CARS1: variants seen among roughly 807,000 people sequenced by gnomAD.
CARS1 encodes cysteinyl-tRNA synthetase 1, also known as cysteine--tRNA ligase, cytoplasmic.
A neutral mutation model predicts 106.2 loss-of-function variants in CARS1; 48 were observed. That is an observed-to-expected ratio of 0.45 (90% confidence interval 0.36 to 0.57). CARS1 has a LOEUF of 0.57. CARS1 is among the 20% of genes least tolerant of loss of function. The pLI is 0.00. For missense variants in CARS1, 968 were observed against 1,057.2 expected, an observed-to-expected ratio of 0.92 and a Z score of 1.17; for synonymous variants, 409 against 403.4, an observed-to-expected ratio of 1.01 and a Z score of -0.17.
In CARS1 at chr11:3,010,271, G is replaced by A. The variant is rs182276423; in HGVS notation, c.2068+1924C>T. 1.7e-4 allele frequency among the ~76,000 whole-genome samples: 26 copies of A among 152,324 alleles called. 1 individual carries two copies. In the Middle Eastern group the frequency reaches 0.01, roughly 60 times the overall value. ...GGCATGCCAGGGAAGCCAAGGCCAC[G>A]TGCACAGTCTTGTATGACCCCAGGG... On this transcript the variant is annotated intron_variant, in intron 18 of 22. Transcript: ENST00000380525.
chr11:3,017,689 A>G lies in CARS1; in HGVS notation c.1727+168T>C. On this transcript the variant is annotated intron_variant, in intron 15 of 22. Transcript: ENST00000380525. The surrounding 1 kb of genome is among the most constrained non-coding windows in gnomAD (Gnocchi z 4.9). ...AAATTCTCCATGCACTTCAACACCCAGAGCAGCTCCCATTAGCAGAGCCGC... is the reference window on the plus strand; with the variant it reads ...AAATTCTCCATGCACTTCAACACCCGGAGCAGCTCCCATTAGCAGAGCCGC... The G allele has an allele frequency of 1.7e-6, 1 of 600,600 alleles. No individual in the cohort carries two copies. Among genetic ancestry groups the G allele is most frequent in the Non-Finnish European group, 3.0e-6 (1 of 337,104 alleles). 37.2% of individuals were successfully genotyped at this position (600,600 alleles called of 1,614,324 possible). A position where few individuals can be genotyped will look rare whatever the true frequency, so the allele number is the denominator to read the frequency against.
intron 1 of CARS1, among the ~76,000 whole-genome samples, chr11:3,051,281 T>C (rs1026286536): frequency 6.6e-6 from 1 of 152,218 alleles, no homozygotes; most frequent in Non-Finnish European, 1.5e-5. Context: ...GGGTGGACTC[T>C]GGCCCCACTG....
Position 3,021,676 on chromosome 11 carries a change from T to G in CARS1, c.1154-1344A>C, listed in dbSNP as rs139786535. Among the ~76,000 whole-genome samples the G allele has an allele frequency of 6.6e-6, 1 of 152,246 alleles. No homozygotes were observed. Among genetic ancestry groups the G allele is most frequent in the Non-Finnish European group, 1.5e-5 (1 of 68,040 alleles). On this transcript the variant is annotated intron_variant, in intron 10 of 22. Coordinates refer to ENST00000380525, the MANE Select transcript of CARS1 (RefSeq NM_001014437.3). The surrounding 1 kb of genome is among the most constrained non-coding windows in gnomAD (Gnocchi z 5.3). Reference sequence around the variant, plus strand: ...TATCTTTTAACCTAGGAATTACTACTGTTACCATTTTGGTATACTGATTCC... The same window carrying G: ...TATCTTTTAACCTAGGAATTACTACGGTTACCATTTTGGTATACTGATTCC...
Position 3,001,177 on chromosome 11 carries a change from G to A in CARS1, c.2433C>T (p.Phe811=), listed in dbSNP as rs890714588. 5 of 1,613,930 alleles carry A rather than the reference G, an allele frequency of 3.1e-6. No homozygotes were observed. The highest frequency in any genetic ancestry group is 3.3e-5 in the Admixed American group (2 of 60,004). ...KGQAKKLKKL[F]EAQEKLYKEY... is the part of the protein sequence containing the mutation. Reference sequence around the variant, plus strand: ...CCTTGTAGAGCTTCTCCTGAGCCTCGAAGAGCTTCTTCAGCTTCTTGGCTT... The same window carrying A: ...CCTTGTAGAGCTTCTCCTGAGCCTCAAAGAGCTTCTTCAGCTTCTTGGCTT... The change falls in exon 23 of 23, where the codon TTC becomes TTT. Residue 811 remains phenylalanine (F), a synonymous_variant. Coordinates refer to ENST00000380525, the MANE Select transcript of CARS1 (RefSeq NM_001014437.3).
At chr11:3,056,422 A>C (rs988641259) in intron 1 of CARS1, among the ~76,000 whole-genome samples, 4 of 152,162 alleles carry the variant, frequency 2.6e-5, no homozygotes, top group Non-Finnish European at 5.9e-5. Flanking sequence ...ATCTTGCTGG[A>C]GGGACAGTGA....
rs1197148365 is a variant in CARS1 at position 3,015,763 on chromosome 11, A to G, written c.1986+18T>C. On this transcript the variant is annotated intron_variant, in intron 17 of 22. Transcript: ENST00000380525. Reference sequence around the variant, plus strand: ...GGAGGGAGCAGGTGCAGAAGGCAGGACCCTGCATGCTACTCACACTGAGGC... The same window carrying G: ...GGAGGGAGCAGGTGCAGAAGGCAGGGCCCTGCATGCTACTCACACTGAGGC... The G allele has an allele frequency of 1.9e-6, 3 of 1,611,854 alleles. No individual in the cohort carries two copies. The South Asian group carries it at 3.3e-5, about 18-fold the overall frequency.
At position 3,021,026 on chromosome 11, in the gene CARS1, T is replaced by C. The variant is rs1851524185; in HGVS notation, c.1154-694A>G. ...CCTGGCCAACAAAAACAAGACTGTC[T>C]ATGCCTTGCCAGAGGGATGAGAAAT... On this transcript the variant is annotated intron_variant, in intron 10 of 22. Coordinates refer to ENST00000380525, the MANE Select transcript of CARS1 (RefSeq NM_001014437.3). This position sits in a 1 kb window ranked among gnomAD's most constrained non-coding sequence, Gnocchi z 5.3. 6.6e-6 allele frequency among the ~76,000 whole-genome samples: 1 copy of C among 152,178 alleles called. No individual in the cohort carries two copies. The highest frequency in any genetic ancestry group is 2.1e-4 in the South Asian group (1 of 4,830).
intron 10 of CARS1, among the ~76,000 whole-genome samples, chr11:3,024,298 GCTGCTGTT>G (rs1472431355): frequency 6.6e-6 from 1 of 152,130 alleles, no homozygotes; most frequent in Admixed American, 6.5e-5. Flanking sequence ...TGGCACCTTT[GCTGCTGTT>G]CTGCTTAAAC....
In CARS1 at chr11:3,017,986, T is replaced by C; in HGVS notation, c.1630-32A>G. 1 of 1,439,830 alleles carries C rather than the reference T, an allele frequency of 6.9e-7. No individual in the cohort carries two copies. Among genetic ancestry groups the C allele is most frequent in the Non-Finnish European group, 9.7e-7 (1 of 1,025,814 alleles). The allele number at this position is 1,439,830 out of a possible 1,614,324, so 89.2% of individuals were successfully genotyped here. A position where few individuals can be genotyped will look rare whatever the true frequency, so the allele number is the denominator to read the frequency against. On this transcript the variant is annotated intron_variant, in intron 14 of 22. Coordinates refer to ENST00000380525, the MANE Select transcript of CARS1 (RefSeq NM_001014437.3). The surrounding 1 kb of genome is among the most constrained non-coding windows in gnomAD (Gnocchi z 4.9). ...TTAGAAAAATCAGTTTAACAGCATTTAGGCAACTTTTCCATCCTGAAATAT... is the reference window on the plus strand; with the variant it reads ...TTAGAAAAATCAGTTTAACAGCATTCAGGCAACTTTTCCATCCTGAAATAT...
chr11:3,033,050 ACT>A (rs1853080441), intron 7 of CARS1, among the ~76,000 whole-genome samples: 1 of 151,698 alleles, frequency 6.6e-6, no homozygotes, highest in East Asian at 1.9e-4. Flanking sequence ...CTAAAAAAAA[ACT>A]TTTTTTTTTT....
chr11:3,012,073 C>G, intron 18 of CARS1, 122 bp downstream of exon 18: 1 of 882,766 alleles, frequency 1.1e-6, no homozygotes, highest in Non-Finnish European at 1.9e-6. Flanking sequence ...CTGTGGTGCA[C>G]GGGGCAGCCT....
At chr11:3,024,164 T>C (rs1400218687) in intron 10 of CARS1, among the ~76,000 whole-genome samples, 1 of 152,240 alleles carries the variant, frequency 6.6e-6, no homozygotes, top group Non-Finnish European at 1.5e-5. Flanking sequence ...GTGCTGGGAT[T>C]ACAGGCGTGA....
rs1852377296 is a variant in CARS1 at position 3,028,727 on chromosome 11, G to T, written c.1031+269C>A. ...TTCGCACTCACCATTATGCAGCTCT[G>T]GGGCCCCATGACTGATGGTCTTGGC... On this transcript the variant is annotated intron_variant, in intron 9 of 22. Coordinates refer to ENST00000380525, the MANE Select transcript of CARS1 (RefSeq NM_001014437.3). This position sits in a 1 kb window ranked among gnomAD's most constrained non-coding sequence, Gnocchi z 4.4. The T allele has an allele frequency of 2.0e-6, 1 of 507,278 alleles. No homozygotes were observed. The highest frequency in any genetic ancestry group is 3.2e-5 in the East Asian group (1 of 31,686). 31.4% of individuals were successfully genotyped at this position (507,278 alleles called of 1,614,324 possible).
chr11:3,054,908 G>A (rs895015260), intron 1 of CARS1: 3 of 702,630 alleles, frequency 4.3e-6, no homozygotes, highest in South Asian at 1.5e-5. Flanking sequence ...GGTATCCCAA[G>A]TCTGTGCGGA....
At chr11:3,031,389 C>T (rs1852743473) in intron 7 of CARS1, 1 of 152,146 alleles carries the variant, frequency 6.6e-6, no homozygotes, top group Admixed American at 6.5e-5. Context: ...ACAAAAGCTG[C>T]TTCCCACCAA....
Position 3,037,012 on chromosome 11 carries a change from A to T in CARS1, c.801+1038T>A, listed in dbSNP as rs1447880092. Among the ~76,000 whole-genome samples, 1 of 152,210 alleles carries T rather than the reference A, an allele frequency of 6.6e-6. No homozygotes were observed. The highest frequency in any genetic ancestry group is 1.9e-4 in the East Asian group (1 of 5,204). On this transcript the variant is annotated intron_variant, in intron 7 of 22. Coordinates refer to ENST00000380525, the MANE Select transcript of CARS1 (RefSeq NM_001014437.3). This position sits in a 1 kb window ranked among gnomAD's most constrained non-coding sequence, Gnocchi z 5.9. ...TGATGTGTGTTTTACCACAATTAAA[A>T]AAAAAAAAAGAATATTAGTGGAACA...
Position 3,034,504 on chromosome 11 carries a change from A to T in CARS1, c.801+3546T>A, listed in dbSNP as rs1234248171. ...CCAAAGTGCTAGGATTACAGGCGTG[A>T]CCCACTGCGCCTGGCCGGGAATGGG... On this transcript the variant is annotated intron_variant, in intron 7 of 22. Transcript: ENST00000380525. This position sits in a 1 kb window ranked among gnomAD's most constrained non-coding sequence, Gnocchi z 6.3. Among the ~76,000 whole-genome samples the T allele has an allele frequency of 6.6e-6, 1 of 151,766 alleles. No individual in the cohort carries two copies. Among genetic ancestry groups the T allele is most frequent in the Non-Finnish European group, 1.5e-5 (1 of 67,974 alleles).
chr11:3,024,768 A>C (rs888443458), intron 10 of CARS1, among the ~76,000 whole-genome samples: 1 of 152,166 alleles, frequency 6.6e-6, no homozygotes, highest in South Asian at 2.1e-4. Flanking sequence ...ATCTAATACA[A>C]TCGCTCCATG....
At chr11:3,033,900 G>C (rs922112280) in intron 7 of CARS1, among the ~76,000 whole-genome samples, 1 of 152,218 alleles carries the variant, frequency 6.6e-6, no homozygotes, top group African/African-American at 2.4e-5. Flanking sequence ...GAGACAGCAT[G>C]ATACTCCTGC....
Sources: allele counts gnomAD v4.1 joint callset (sites outside exome capture counted in the v4.1 genomes callset), GRCh38; gene constraint gnomAD v4.1.1; non-coding constraint Gnocchi (gnomAD v3.1); transcripts MANE v1.5; gene names NCBI Gene and HGNC (gene_info 2026-07-23, HGNC 2026-07-21).